The following GAD1 variants were observed in gnomAD, a reference collection of about 807,000 sequenced individuals.
GAD1 encodes glutamate decarboxylase 1.
In GAD1, 35 loss-of-function variants were observed where a neutral mutation model predicts 75.2. That is an observed-to-expected ratio of 0.47 (90% CI 0.36 to 0.62). The LOEUF is 0.62. Ranked by LOEUF, GAD1 falls within the 20% of genes least tolerant of loss-of-function variation. GAD1 has a pLI of 0.00. For missense variants in GAD1, 490 were observed against 758.5 expected (o/e 0.65, Z 4.16); for synonymous variants, 257 against 271.9 (o/e 0.95, Z 0.54).
intron 6 of GAD1, among the ~76,000 whole-genome samples, chr2:170,841,560 T>C (rs1702517294): frequency 6.6e-6 from 1 of 152,032 alleles, no homozygotes; most frequent in Admixed American, 6.6e-5. Context: ...AAAATAAAGT[T>C]AAAAATAAGA....
chr2:170,828,838 C>CT, intron 3 of GAD1: 1 of 209,808 alleles, frequency 4.8e-6, no homozygotes, highest in South Asian at 6.7e-5. Flanking sequence ...ACCTCTCCTC[C>CT]CTCTGCTGTC....
rs939048427 is a variant in GAD1, at chr2:170,843,934, C to T, written c.639-111C>T. 6 of 710,746 alleles carry T rather than the reference C, an allele frequency of 8.4e-6. No individual in the cohort carries two copies. The African/African-American group carries it at 1.1e-4, about 12-fold the overall frequency. 44.0% of individuals were successfully genotyped at this position (710,746 alleles called of 1,614,324 possible). A position where few individuals can be genotyped will look rare whatever the true frequency, so the allele number is the denominator to read the frequency against. On this transcript the variant is annotated intron_variant, in intron 6 of 16. Coordinates refer to ENST00000358196, the MANE Select transcript of GAD1 (RefSeq NM_000817.3). ...AATGAATCATGTTAGTGGTTTGGAACAGCTTTTTTTTAGAACCCAACTACA... is the reference window on the plus strand; with the variant it reads ...AATGAATCATGTTAGTGGTTTGGAATAGCTTTTTTTTAGAACCCAACTACA...
rs750389927 is a variant in GAD1, at chr2:170,822,147, G to C, written c.143G>C (p.Cys48Ser). Residue 48 changes from cysteine to serine, a missense_variant and splice_region_variant, in exon 3 of 17, where the codon TGC becomes TCC. Coordinates refer to ENST00000358196, the MANE Select transcript of GAD1 (RefSeq NM_000817.3). ...GCTRKLGLKICGFLQRTNSLE... is the reference protein window; with the variant it reads ...GCTRKLGLKISGFLQRTNSLE... ...ACCAGAAAACTGGGGCTCAAGATCT[G>C]CGGTAAGTGACAGGACCCACTGGGG... is the stretch of plus-strand genomic sequence containing the variant. 3 of 1,612,296 alleles carry C rather than the reference G, an allele frequency of 1.9e-6. No homozygotes were observed. The South Asian group carries it at 3.3e-5, about 18-fold the overall frequency.
rs1701780164 is a variant in GAD1 at position 170,818,721 on chromosome 2, G to C, written c.82+48G>C. The C allele has an allele frequency of 6.4e-7, 1 of 1,574,358 alleles. No homozygotes were observed. The highest frequency in any genetic ancestry group is 8.7e-7 in the Non-Finnish European group (1 of 1,143,858). On this transcript the variant is annotated intron_variant, in intron 2 of 16. Transcript: ENST00000358196. The surrounding 1 kb of genome is among the most constrained non-coding windows in gnomAD (Gnocchi z 5.9). ...ATCAAATGAACTGCAGGGAAGATGG[G>C]GGCGCTGGGACGTCGGGAGGCTGAG...
At position 170,822,027 on chromosome 2, in the gene GAD1, C is replaced by T. The variant is rs190596551; in HGVS notation, c.83-60C>T. ...CCCCCAAGAAAACCATTGTCCTCCA[C>T]CCATTTCCCCGCGGTCGGAACCTCC... On this transcript the variant is annotated intron_variant, in intron 2 of 16. Transcript: ENST00000358196. 1.1e-4 allele frequency: 157 copies of T among 1,372,568 alleles called. No individual in the cohort carries two copies. The African/African-American group carries it at 2.1e-3, about 18-fold the overall frequency. The allele number at this position is 1,372,568 out of a possible 1,614,324, so 85.0% of individuals were successfully genotyped here.
intron 14 of GAD1, among the ~76,000 whole-genome samples, chr2:170,854,962 A>G (rs983536695): frequency 1.3e-5 from 2 of 152,212 alleles, no homozygotes; most frequent in African/African-American, 2.4e-5. Context: ...GAGGATTACC[A>G]TTTGATTATT....
At chr2:170,814,696 A>G (rs1443960579), upstream of GAD1, among the ~76,000 whole-genome samples, 2 of 152,212 alleles carry the variant, frequency 1.3e-5, no homozygotes, top group African/African-American at 4.8e-5. Context: ...AGGACGGACA[A>G]AAGTCTTCAT....
chr2:170,836,566 A>G (rs1702380789), intron 5 of GAD1, among the ~76,000 whole-genome samples: 1 of 152,200 alleles, frequency 6.6e-6, no homozygotes, highest in African/African-American at 2.4e-5. Context: ...TATTCTTTAA[A>G]AGCACGATGC....
At chr2:170,822,782 C>T (rs913023032) in intron 3 of GAD1, among the ~76,000 whole-genome samples, 6 of 152,326 alleles carry the variant, frequency 3.9e-5, no homozygotes, top group South Asian at 4.1e-4. Context: ...CTGGAGCCCT[C>T]CATGGCCTGC....
chr2:170,844,223 GT>G, intron 7 of GAD1, 66 bp downstream of exon 7: 1 of 923,562 alleles, frequency 1.1e-6, no homozygotes, highest in Middle Eastern at 2.1e-4. Flanking sequence ...TATGAAGTAG[GT>G]TTATGGAAGA....
In GAD1 at chr2:170,844,134, A is replaced by T; in HGVS notation, c.728A>T (p.Asp243Val). 2 of 1,596,810 alleles carry T rather than the reference A, an allele frequency of 1.3e-6. No individual in the cohort carries two copies. The highest frequency in any genetic ancestry group is 1.7e-6 in the Non-Finnish European group (2 of 1,164,254). ...GAGATAGTTGGATGGTCAAGTAAAG[A>T]TGGTGATGGGATATTTTCTCCTGGT... Reference protein sequence around the residue: ...MREIVGWSSKDGDGIFSPGGA... With the variant: ...MREIVGWSSKVGDGIFSPGGA... The change falls in exon 7 of 17, where the codon GAT becomes GTT. Residue 243 changes from aspartate (D) to valine (V), a missense_variant. Asp to Val is a radical substitution (Grantham distance 152). Coordinates refer to ENST00000358196, the MANE Select transcript of GAD1 (RefSeq NM_000817.3).
Position 170,847,789 on chromosome 2 carries a change from C to T in GAD1, c.1116C>T (p.Val372=), listed in dbSNP as rs202131098. The T allele has an allele frequency of 1.3e-5, 21 of 1,602,736 alleles. No individual in the cohort carries two copies. The highest frequency in any genetic ancestry group is 1.7e-4 in the Middle Eastern group (1 of 6,048). The change falls in exon 11 of 17, where the codon GTC becomes GTT. Residue 372 remains valine, a synonymous_variant. Transcript: ENST00000358196. ...ICEKYNLWLH[V]DAAWGGGLLM... ...AGAAATATAACCTTTGGTTGCATGTCGATGTAAGTGCTATATAACTCAGGC... is the reference window on the plus strand; with the variant it reads ...AGAAATATAACCTTTGGTTGCATGTTGATGTAAGTGCTATATAACTCAGGC...
upstream of GAD1, among the ~76,000 whole-genome samples, chr2:170,815,566 T>G (rs1280572608): frequency 6.6e-6 from 1 of 152,090 alleles, no homozygotes; most frequent in Non-Finnish European, 1.5e-5. Context: ...CGGACGGGCC[T>G]CCGCTGAACC....
In GAD1 at chr2:170,860,666, G is replaced by T. The variant is rs188134954; in HGVS notation, c.*784G>T. ...GTAATGTATCTTATTTATATATGAA[G>T]TAAGTTCTGAAAACTGTTTATGGTA... On this transcript the variant is annotated 3_prime_UTR_variant, in exon 17 of 17. Transcript: ENST00000358196. 6.6e-6 allele frequency: 1 copy of T among 152,640 alleles called. No individual in the cohort carries two copies. The highest frequency in any genetic ancestry group is 6.5e-5 in the Admixed American group (1 of 15,280). 9.5% of individuals were successfully genotyped at this position (152,640 alleles called of 1,614,324 possible).
chr2:170,851,005 C>T (rs1702734206), intron 12 of GAD1, among the ~76,000 whole-genome samples: 1 of 150,750 alleles, frequency 6.6e-6, no homozygotes, highest in Non-Finnish European at 1.5e-5. Context: ...CAGAGCAAGA[C>T]TCTGTCTTAA....
intron 16 of GAD1, 52 bp downstream of exon 16, chr2:170,858,945 T>C: frequency 6.8e-7 from 1 of 1,474,482 alleles, no homozygotes; most frequent in Non-Finnish European, 9.5e-7. Context: ...CTCTGGCTGG[T>C]CAGGACATCC....
At chr2:170,831,772 T>C (rs1575432413) in intron 5 of GAD1, among the ~76,000 whole-genome samples, 1 of 139,240 alleles carries the variant, frequency 7.2e-6, no homozygotes, top group South Asian at 2.2e-4. Context: ...TATTTATATA[T>C]AATATTTATA....
intron 15 of GAD1, among the ~76,000 whole-genome samples, chr2:170,857,773 C>A (rs1258457715): frequency 1.3e-5 from 2 of 152,222 alleles, no homozygotes; most frequent in African/African-American, 2.4e-5. Context: ...CATGTGCATA[C>A]TGCACACAGC....
intron 16 of GAD1, 143 bp downstream of exon 16, chr2:170,859,036 A>C (rs1702909677): frequency 1.3e-6 from 1 of 757,404 alleles, no homozygotes; most frequent in African/African-American, 1.7e-5. Context: ...GGTGGTGGGG[A>C]GCCATCCTGT....
Sources: gnomAD v4.1 joint callset for allele counts (sites outside exome capture counted in the v4.1 genomes callset) on GRCh38, gnomAD v4.1.1 for gene constraint, Gnocchi (gnomAD v3.1) non-coding constraint, MANE v1.5 for transcripts, NCBI Gene and HGNC (gene_info 2026-07-23, HGNC 2026-07-21) for gene names.